The following DPYD variants were observed in gnomAD, a reference collection of about 807,000 sequenced individuals.
DPYD encodes the protein dihydropyrimidine dehydrogenase [NADP(+)].
Under a neutral mutation model 116.2 loss-of-function variants are expected in DPYD, and 109 were observed. That is an observed-to-expected ratio of 0.94 (90% CI 0.80 to 1.10). DPYD has a LOEUF of 1.10. Ranked by LOEUF, DPYD falls within the 50% of genes least tolerant of loss-of-function variation. The pLI, the probability that DPYD is intolerant of heterozygous loss-of-function variation, is 0.00. For synonymous variants in DPYD, 440 were observed against 432.0 expected, an observed-to-expected ratio of 1.02 and a Z score of -0.23; for missense variants, 1,302 against 1,254.5, an observed-to-expected ratio of 1.04 and a Z score of -0.57.
chr1:97,521,014 T>C (rs184581592), intron 12 of DPYD, among the ~76,000 whole-genome samples: 1 of 152,308 alleles, frequency 6.6e-6, no homozygotes, highest in African/African-American at 2.4e-5. Context: ...CTGGGTCAAA[T>C]GGTATTTCTG....
intron 19 of DPYD, among the ~76,000 whole-genome samples, chr1:97,220,808 T>A (rs1018256874): frequency 6.6e-6 from 1 of 152,192 alleles, no homozygotes; most frequent in South Asian, 2.1e-4. Context: ...TACCCAAGAA[T>A]AGAACCTTAC....
At chr1:97,809,649 G>T (rs1217024574) in intron 3 of DPYD, among the ~76,000 whole-genome samples, 1 of 152,182 alleles carries the variant, frequency 6.6e-6, no homozygotes, top group African/African-American at 2.4e-5. Flanking sequence ...AGTGGTCACA[G>T]GGAGATGCAG....
intron 19 of DPYD, among the ~76,000 whole-genome samples, chr1:97,227,354 A>C (rs1376009905): frequency 6.3e-5 from 4 of 63,510 alleles, no homozygotes; most frequent in African/African-American, 3.3e-4. Context: ...AAAAAAAAAA[A>C]AAAGAAAGAA....
chr1:97,404,702 C>T (rs11165861), intron 14 of DPYD, among the ~76,000 whole-genome samples: 28,589 of 151,870 alleles, frequency 0.19, 2,980 homozygotes, highest in East Asian at 0.39. Context: ...CTTTCTTATA[C>T]GCAATACATA....
chr1:97,783,073 TCC>T (rs772163645), intron 3 of DPYD, among the ~76,000 whole-genome samples: 32 of 152,172 alleles, frequency 2.1e-4, no homozygotes, highest in Non-Finnish European at 4.0e-4. Flanking sequence ...CTCTCAAATG[TCC>T]CCTTTCTATT....
At chr1:97,378,438 T>C (rs1671758665) in intron 15 of DPYD, among the ~76,000 whole-genome samples, 1 of 152,200 alleles carries the variant, frequency 6.6e-6, no homozygotes, top group African/African-American at 2.4e-5. Flanking sequence ...TTTAGTGTTT[T>C]ATTTTGGCCC....
intron 18 of DPYD, among the ~76,000 whole-genome samples, chr1:97,263,093 T>G (rs188583721): frequency 4.4e-4 from 67 of 152,236 alleles, no homozygotes; most frequent in African/African-American, 1.5e-3. Context: ...CCAGAGGGCA[T>G]GTCAGGGGCC....
chr1:97,510,480 G>A (rs1272863170), intron 13 of DPYD, among the ~76,000 whole-genome samples: 4 of 151,870 alleles, frequency 2.6e-5, no homozygotes, highest in Non-Finnish European at 4.4e-5. Context: ...AATCTCATAG[G>A]CATTTGGACT....
intron 3 of DPYD, among the ~76,000 whole-genome samples, chr1:97,777,569 C>T (rs1666482019): frequency 6.6e-6 from 1 of 152,132 alleles, no homozygotes; most frequent in Admixed American, 6.6e-5. Flanking sequence ...GCCAGCTAAC[C>T]CTAGAACACA....
chr1:97,531,611 G>T (rs1235779443), intron 12 of DPYD, among the ~76,000 whole-genome samples: 1 of 152,074 alleles, frequency 6.6e-6, no homozygotes. Flanking sequence ...TGTTATTTGG[G>T]TATTTTGTGG....
intron 5 of DPYD, among the ~76,000 whole-genome samples, chr1:97,713,985 ATT>A (rs941543645): frequency 3.3e-5 from 5 of 152,146 alleles, no homozygotes; most frequent in African/African-American, 1.2e-4. Flanking sequence ...AGCTATATAT[ATT>A]AGTAATTTTT....
At position 97,727,602 on chromosome 1, in the gene DPYD, G is replaced by GAATA. The variant is rs533078464; in HGVS notation, c.322-5935_322-5932dup. On this transcript the variant is annotated intron_variant, in intron 4 of 22. Transcript: ENST00000370192. ...GAGGAAAGCATAGGCATGTTTCACAGAATAAAGAAGCATGATTTTGAAAAT... is the reference window on the plus strand; with the variant it reads ...GAGGAAAGCATAGGCATGTTTCACAGAATAAATAAAGAAGCATGATTTTGAAAAT... 2.3e-3 allele frequency among the ~76,000 whole-genome samples: 353 copies of GAATA among 151,856 alleles called. 1 individual carries two copies. The highest frequency in any genetic ancestry group is 3.7e-3 in the Non-Finnish European group (253 of 67,760).
chr1:97,748,269 A>G (rs1664667815), intron 3 of DPYD, among the ~76,000 whole-genome samples: 1 of 152,092 alleles, frequency 6.6e-6, no homozygotes, highest in Admixed American at 6.5e-5. Flanking sequence ...AGATTAGTAT[A>G]ATAGATAGAT....
chr1:97,741,959 A>G (rs1042778565), intron 3 of DPYD, among the ~76,000 whole-genome samples: 1 of 152,132 alleles, frequency 6.6e-6, no homozygotes, highest in Non-Finnish European at 1.5e-5. Context: ...GTGCAGGGTC[A>G]CTCAGGATAA....
intron 2 of DPYD, among the ~76,000 whole-genome samples, chr1:97,853,130 C>A (rs1348629601): frequency 6.6e-6 from 1 of 152,172 alleles, no homozygotes; most frequent in Non-Finnish European, 1.5e-5. Context: ...CCCTCCTGCA[C>A]TAAACATTAT....
intron 8 of DPYD, among the ~76,000 whole-genome samples, chr1:97,645,855 G>T (rs1319915319): frequency 1.3e-5 from 2 of 152,010 alleles, no homozygotes; most frequent in Admixed American, 6.6e-5. Flanking sequence ...TGAGTTCTGA[G>T]AAATTACTTG....
intron 14 of DPYD, among the ~76,000 whole-genome samples, chr1:97,427,073 CTTAG>C (rs1473852875): frequency 6.6e-6 from 1 of 151,998 alleles, no homozygotes; most frequent in Non-Finnish European, 1.5e-5. Flanking sequence ...TATAGTATTT[CTTAG>C]TTAATCTTCA....
At chr1:97,818,349 C>G (rs756528950) in intron 3 of DPYD, among the ~76,000 whole-genome samples, 72 of 151,886 alleles carry the variant, frequency 4.7e-4, no homozygotes, top group Middle Eastern at 3.2e-3. Flanking sequence ...TAATTAATAA[C>G]AATTAATTGT....
chr1:97,309,429 A>C (rs1416617494), intron 16 of DPYD, among the ~76,000 whole-genome samples: 1 of 151,466 alleles, frequency 6.6e-6, no homozygotes, highest in African/African-American at 2.4e-5. Flanking sequence ...GAAAGCTCTG[A>C]AGCAACAAAA....
Sources: gnomAD v4.1 joint callset for allele counts (sites outside exome capture counted in the v4.1 genomes callset) on GRCh38, gnomAD v4.1.1 for gene constraint, MANE v1.5 for transcripts, NCBI Gene and HGNC (gene_info 2026-07-23, HGNC 2026-07-21) for gene names.